PLD5: variants seen among roughly 807,000 people sequenced by gnomAD.
PLD5 encodes the protein phospholipase D family member 5, also known as inactive phospholipase D5.
A neutral mutation model predicts 61.1 loss-of-function variants in PLD5; 36 were observed. The ratio of observed to expected loss-of-function variants is 0.59; its 90% CI spans 0.45 to 0.78. The LOEUF (loss-of-function observed/expected upper bound fraction) is 0.78, where lower values mean the gene tolerates loss of function less well. Ranked by LOEUF, PLD5 falls within the 30% of genes least tolerant of loss-of-function variation. The pLI, the probability that PLD5 is intolerant of heterozygous loss-of-function variation, is 0.00. For synonymous variants in PLD5, 243 were observed against 242.8 expected, an observed-to-expected ratio of 1.00 and a Z score of -0.01; for missense variants, 515 against 644.4, an observed-to-expected ratio of 0.80 and a Z score of 2.17.
chr1:242,091,882 C>T (rs534278754), intron 9 of PLD5, among the ~76,000 whole-genome samples: 3 of 146,698 alleles, frequency 2.0e-5, no homozygotes, highest in South Asian at 4.3e-4. Context: ...GGCTGGAATG[C>T]GGTGGTACAA....
At position 242,223,154 on chromosome 1, in the gene PLD5, T is replaced by A. The variant is rs12034247; in HGVS notation, c.608-3039A>T. Among the ~76,000 whole-genome samples the A allele has an allele frequency of 1.3e-3, 199 of 152,250 alleles. No homozygotes were observed. In the East Asian group the frequency reaches 0.033, roughly 25 times the overall value. Reference sequence around the variant, plus strand: ...AGGGTGCCTCCTCACTGTGTCCTCATGTGGTGGAAAACATGAGGATCTCTC... The same window carrying A: ...AGGGTGCCTCCTCACTGTGTCCTCAAGTGGTGGAAAACATGAGGATCTCTC... On this transcript the variant is annotated intron_variant, in intron 4 of 9. Transcript: ENST00000536534.
At chr1:242,296,230 C>T (rs1337007634) in intron 2 of PLD5, among the ~76,000 whole-genome samples, 1 of 152,158 alleles carries the variant, frequency 6.6e-6, no homozygotes, top group African/African-American at 2.4e-5. Flanking sequence ...CGTACTTTGA[C>T]CACTTTTTTC....
At chr1:242,107,414 GA>G (rs1172068330) in intron 8 of PLD5, among the ~76,000 whole-genome samples, 1 of 117,472 alleles carries the variant, frequency 8.5e-6, no homozygotes, top group African/African-American at 2.7e-5. Flanking sequence ...CCTATCTCAA[GA>G]AAAAAAAGAA....
At chr1:242,226,028 C>G (rs558224065) in intron 4 of PLD5, among the ~76,000 whole-genome samples, 2 of 152,288 alleles carry the variant, frequency 1.3e-5, no homozygotes, top group African/African-American at 4.8e-5. Flanking sequence ...ATTCTGTATC[C>G]TTGCCAGAAC....
At chr1:242,321,600 C>T (rs1055802465) in intron 2 of PLD5, among the ~76,000 whole-genome samples, 16 of 152,108 alleles carry the variant, frequency 1.1e-4, no homozygotes, top group African/African-American at 3.1e-4. Flanking sequence ...CCACCACGCC[C>T]GGCCCCATCT....
chr1:242,390,837 A>C (rs1333770295), intron 1 of PLD5, among the ~76,000 whole-genome samples: 1 of 152,088 alleles, frequency 6.6e-6, no homozygotes, highest in African/African-American at 2.4e-5. Flanking sequence ...TGACAGAAGG[A>C]ACATGATTAA....
At position 242,213,558 on chromosome 1, in the gene PLD5, A is replaced by C. The variant is rs138987740; in HGVS notation, c.735+6430T>G. 1.4e-4 allele frequency among the ~76,000 whole-genome samples: 22 copies of C among 152,060 alleles called. 2 individuals carry two copies. The highest frequency in any genetic ancestry group is 5.3e-4 in the African/African-American group (22 of 41,464). ...AAGGTTAAATACTAGCAACTTACACACTTTAAATATTATCAGAAATTACCA... is the reference window on the plus strand; with the variant it reads ...AAGGTTAAATACTAGCAACTTACACCCTTTAAATATTATCAGAAATTACCA... On this transcript the variant is annotated intron_variant, in intron 5 of 9. Coordinates refer to ENST00000536534, the MANE Select transcript of PLD5 (RefSeq NM_001372062.1).
intron 1 of PLD5, among the ~76,000 whole-genome samples, chr1:242,493,528 G>A (rs1251106561): frequency 6.6e-6 from 1 of 152,208 alleles, no homozygotes; most frequent in Non-Finnish European, 1.5e-5. Context: ...ACTGGTAGAA[G>A]CCAGGGACAA....
At chr1:242,309,698 G>C (rs1303711867) in intron 2 of PLD5, among the ~76,000 whole-genome samples, 1 of 149,126 alleles carries the variant, frequency 6.7e-6, no homozygotes, top group Non-Finnish European at 1.5e-5. Context: ...TTCAAACTTT[G>C]TTACAGGAAA....
At chr1:242,470,657 C>G (rs186318099) in intron 1 of PLD5, among the ~76,000 whole-genome samples, 193 of 152,286 alleles carry the variant, frequency 1.3e-3, no homozygotes, top group Non-Finnish European at 2.2e-3. Context: ...CTACAAATAT[C>G]AATACTCGTG....
intron 6 of PLD5, 106 bp downstream of exon 6, chr1:242,124,362 T>C (rs1662616384): frequency 9.4e-7 from 1 of 1,066,746 alleles, no homozygotes. Context: ...ATAGAACCAC[T>C]GTAATTCATT....
chr1:242,100,394 G>A (rs1015425770), intron 9 of PLD5, among the ~76,000 whole-genome samples: 2 of 152,148 alleles, frequency 1.3e-5, no homozygotes, highest in Non-Finnish European at 2.9e-5. Context: ...ATCCTTGCCT[G>A]TACAATGAGG....
chr1:242,526,870 A>T (rs769434168), upstream of PLD5, among the ~76,000 whole-genome samples: 1 of 152,198 alleles, frequency 6.6e-6, no homozygotes, highest in Non-Finnish European at 1.5e-5. Context: ...TAACAGAAAG[A>T]TGTTATTGCC....
intron 5 of PLD5, among the ~76,000 whole-genome samples, chr1:242,206,163 T>G (rs1669300691): frequency 6.6e-6 from 1 of 152,230 alleles, no homozygotes; most frequent in African/African-American, 2.4e-5. Context: ...TCTTTGCTGT[T>G]TCTCCAGCTG....
intron 1 of PLD5, among the ~76,000 whole-genome samples, chr1:242,488,913 CTTT>C (rs988234632): frequency 6.6e-6 from 1 of 151,886 alleles, no homozygotes. Flanking sequence ...AGTAAAGACT[CTTT>C]TTTAAAATTA....
rs1668588176 is a variant in PLD5, at chr1:242,502,580, A to C, written c.189+21508T>G. Among the ~76,000 whole-genome samples, 3 of 152,198 alleles carry C rather than the reference A, an allele frequency of 2.0e-5. 1 individual carries two copies. The highest frequency in any genetic ancestry group is 2.0e-4 in the Admixed American group (3 of 15,276). The stretch of plus-strand genomic sequence containing the variant: ...TGCATTTTTTCAAATCATTTAACAA[A>C]AGTCTCAGGGAAATTACAACTAATC... On this transcript the variant is annotated intron_variant, in intron 1 of 9. Coordinates refer to ENST00000536534, the MANE Select transcript of PLD5 (RefSeq NM_001372062.1).
At chr1:242,239,766 A>C (rs1051463845) in intron 4 of PLD5, among the ~76,000 whole-genome samples, 7 of 152,346 alleles carry the variant, frequency 4.6e-5, no homozygotes, top group African/African-American at 1.7e-4. Flanking sequence ...CCACGTAAAA[A>C]AGGAAACAAT....
At position 242,395,062 on chromosome 1, in the gene PLD5, T is replaced by TATATATGAATATATATGTATATATGA. The variant is rs1491570193; in HGVS notation, c.190-46821_190-46820insTCATATATACATATATATTCATATAT. Among the ~76,000 whole-genome samples, 64 of 58,428 alleles carry TATATATGAATATATATGTATATATGA rather than the reference T, an allele frequency of 1.1e-3. 4 individuals carry two copies. The highest frequency in any genetic ancestry group is 2.1e-3 in the East Asian group (5 of 2,370). The allele number at this position is 58,428 out of a possible 152,430, so 38.3% of individuals were successfully genotyped here. On this transcript the variant is annotated intron_variant, in intron 1 of 9. Transcript: ENST00000536534. Reference sequence around the variant, plus strand: ...GTATATGTATATATGAATATATATGTATATATATGAATATATATGTATATA... The same window carrying TATATATGAATATATATGTATATATGA: ...GTATATGTATATATGAATATATATGTATATATGAATATATATGTATATATGAATATATATGAATATATATGTATATA...
At chr1:242,412,630 A>C (rs528234766) in intron 1 of PLD5, among the ~76,000 whole-genome samples, 10 of 152,252 alleles carry the variant, frequency 6.6e-5, no homozygotes, top group Admixed American at 5.2e-4. Context: ...ATATTTTTGT[A>C]GGTTGTTATT....
Sources: gnomAD v4.1 joint callset for allele counts (sites outside exome capture counted in the v4.1 genomes callset) on GRCh38, gnomAD v4.1.1 for gene constraint, MANE v1.5 for transcripts, NCBI Gene and HGNC (gene_info 2026-07-23, HGNC 2026-07-21) for gene names.